JAK2: variants seen among roughly 807,000 people sequenced by gnomAD.
JAK2 encodes the protein tyrosine-protein kinase JAK2.
In JAK2, 86 loss-of-function variants were observed where a neutral mutation model predicts 139.3. That is an observed-to-expected ratio of 0.62 (90% CI 0.52 to 0.74). JAK2 has a LOEUF of 0.74. Among genes scored for constraint, JAK2 ranks in the 30% least tolerant of loss-of-function variants. JAK2 has a pLI of 0.00. For synonymous variants in JAK2, 490 were observed against 437.7 expected (o/e 1.12, Z -1.49); for missense variants, 1,421 against 1,360.3 (o/e 1.04, Z -0.70).
rs58424625 is a variant in JAK2 at position 5,062,500 on chromosome 9, T to TAAAAAAAAAAAAAAAAAAAA, written c.1057-2371_1057-2352dup. On this transcript the variant is annotated intron_variant, in intron 8 of 24. Coordinates refer to ENST00000381652, the MANE Select transcript of JAK2 (RefSeq NM_004972.4). ...AAGTTTGTCAGAAACCTTCCATTTGTAAAAAAAAAAAAAAAAAAAAAAAAA... is the reference window on the plus strand; with the variant it reads ...AAGTTTGTCAGAAACCTTCCATTTGTAAAAAAAAAAAAAAAAAAAAAAAAAAAAAAAAAAAAAAAAAAAAA... 3.8e-4 allele frequency among the ~76,000 whole-genome samples: 22 copies of TAAAAAAAAAAAAAAAAAAAA among 58,240 alleles called. 6 individuals carry two copies. The highest frequency in any genetic ancestry group is 2.2e-3 in the African/African-American group (21 of 9,592). The allele number at this position is 58,240 out of a possible 152,430, so 38.2% of individuals were successfully genotyped here.
chr9:5,050,048 C>G lies in JAK2; in HGVS notation c.469-638C>G, dbSNP rs576008131. 5.3e-5 allele frequency among the ~76,000 whole-genome samples: 8 copies of G among 152,272 alleles called. No individual in the cohort carries two copies. In the South Asian group the frequency reaches 1.7e-3, roughly 32 times the overall value. On this transcript the variant is annotated intron_variant, in intron 5 of 24. Coordinates refer to ENST00000381652, the MANE Select transcript of JAK2 (RefSeq NM_004972.4). ...GGCTATTTCTTTGTATCCAACACCA[C>G]TTGTAGTATGATACTTCCAACATAA... is the stretch of plus-strand genomic sequence containing the variant.
intron 4 of JAK2, chr9:5,041,595 G>C (rs1230886686): frequency 2.0e-6 from 1 of 497,290 alleles, no homozygotes; most frequent in African/African-American, 2.0e-5. Context: ...CCTGGACTTT[G>C]AGAAGCCCGA....
intron 5 of JAK2, 60 bp downstream of exon 5, chr9:5,044,580 A>G: frequency 9.3e-7 from 1 of 1,071,238 alleles, no homozygotes; most frequent in Non-Finnish European, 1.4e-6. Flanking sequence ...GCTGTTTAAT[A>G]AGTCACTTAA....
At chr9:4,992,418 G>A (rs1820308292) in intron 2 of JAK2, among the ~76,000 whole-genome samples, 1 of 152,194 alleles carries the variant, frequency 6.6e-6, no homozygotes, top group Non-Finnish European at 1.5e-5. Context: ...TTTGATGGGG[G>A]AGTGGCAAGT....
At chr9:5,117,377 A>T (rs1823276931) in intron 22 of JAK2, among the ~76,000 whole-genome samples, 1 of 152,216 alleles carries the variant, frequency 6.6e-6, no homozygotes, top group South Asian at 2.1e-4. Context: ...CATATTTTAG[A>T]AAGATAGCTC....
intron 22 of JAK2, chr9:5,113,891 A>T (rs1379600956): frequency 9.2e-6 from 2 of 217,154 alleles, no homozygotes; most frequent in African/African-American, 4.7e-5. Context: ...AAGATCTTAC[A>T]GTCCTCCTGT....
chr9:5,054,126 A>G lies in JAK2; in HGVS notation c.615-437A>G, dbSNP rs142929424. On this transcript the variant is annotated intron_variant, in intron 6 of 24. Coordinates refer to ENST00000381652, the MANE Select transcript of JAK2 (RefSeq NM_004972.4). The surrounding 1 kb of genome is among the most constrained non-coding windows in gnomAD (Gnocchi z 4.9). ...GTTTGCATAATGAAAATGGCTTCCA[A>G]CAAAATGTAACAATTTCCAAAATTC... Among the ~76,000 whole-genome samples the G allele has an allele frequency of 7.2e-5, 11 of 152,094 alleles. No homozygotes were observed. Among genetic ancestry groups the G allele is most frequent in the Non-Finnish European group, 1.5e-4 (10 of 67,920 alleles).
intron 2 of JAK2, among the ~76,000 whole-genome samples, chr9:4,987,342 A>G (rs1471530529): frequency 1.3e-5 from 2 of 152,134 alleles, no homozygotes. Context: ...TCACCTGGCT[A>G]TTACTGAAAG....
chr9:5,106,198 T>C (rs1821938420), intron 22 of JAK2, among the ~76,000 whole-genome samples: 1 of 151,910 alleles, frequency 6.6e-6, no homozygotes, highest in African/African-American at 2.4e-5. Context: ...TACAAAGAAA[T>C]TTACAAGAAA....
rs751533278 is a variant in JAK2 at position 5,065,129 on chromosome 9, A to T, written c.1214+89A>T. 8.9e-6 allele frequency: 7 copies of T among 787,930 alleles called. No homozygotes were observed. The South Asian group carries it at 2.4e-4, about 27-fold the overall frequency. The allele number at this position is 787,930 out of a possible 1,614,324, so 48.8% of individuals were successfully genotyped here. A position where few individuals can be genotyped will look rare whatever the true frequency, so the allele number is the denominator to read the frequency against. On this transcript the variant is annotated intron_variant, in intron 9 of 24. Coordinates refer to ENST00000381652, the MANE Select transcript of JAK2 (RefSeq NM_004972.4). ...TTAACAGAGTGATACATGTATGTTT[A>T]GAAAAAAATAATTTGACAAGTTTTT... is the stretch of plus-strand genomic sequence containing the variant.
At chr9:5,095,353 A>G (rs1382020951) in intron 22 of JAK2, among the ~76,000 whole-genome samples, 3 of 151,970 alleles carry the variant, frequency 2.0e-5, no homozygotes, top group Non-Finnish European at 4.4e-5. Flanking sequence ...TCTTACCCCC[A>G]TCTTGATTAA....
intron 6 of JAK2, among the ~76,000 whole-genome samples, chr9:5,052,650 C>G (rs1031831561): frequency 4.6e-5 from 7 of 152,032 alleles, no homozygotes; most frequent in Non-Finnish European, 8.8e-5. Flanking sequence ...AGTCCTCATC[C>G]CACTTTCCCC....
In JAK2 at chr9:5,129,544, T is replaced by C. The variant is rs1233000495; in HGVS notation, c.*2753T>C. Among the ~76,000 whole-genome samples, 1 of 152,140 alleles carries C rather than the reference T, an allele frequency of 6.6e-6. No homozygotes were observed. The highest frequency in any genetic ancestry group is 6.5e-5 in the Admixed American group (1 of 15,278). On this transcript the variant is annotated 3_prime_UTR_variant, in exon 25 of 25. Coordinates refer to ENST00000381652, the MANE Select transcript of JAK2 (RefSeq NM_004972.4). ...GGGGCATAATGTACTAAGAATCAGT[T>C]TGCTGTATATTAGAATAAATAGTAA...
At chr9:5,009,007 A>T (rs1435544305) in intron 2 of JAK2, among the ~76,000 whole-genome samples, 1 of 152,166 alleles carries the variant, frequency 6.6e-6, no homozygotes, top group Non-Finnish European at 1.5e-5. Context: ...CGTATTATTC[A>T]ACTCTTTCAC....
At chr9:5,010,849 G>T (rs145610898) in intron 2 of JAK2, among the ~76,000 whole-genome samples, 1,941 of 152,186 alleles carry the variant, frequency 0.013, 37 homozygotes, top group Non-Finnish European at 0.019. Context: ...CTTGAATTTT[G>T]AAAATTCTTA....
rs1220590246 is a variant in JAK2 at position 5,069,202 on chromosome 9, C to T, written c.1507C>T (p.Pro503Ser). ...FQFTKCCPPK[P>S]KDKSNLLVFR... ...GTTTACTAAATGCTGTCCCCCAAAG[C>T]CAAAAGGTAAGATAATTTTCTAGTT... Residue 503 changes from proline to serine, a missense_variant, in exon 11 of 25, where the codon CCA becomes TCA. Pro to Ser is a moderately conservative substitution (Grantham distance 74). Coordinates refer to ENST00000381652, the MANE Select transcript of JAK2 (RefSeq NM_004972.4). 1.3e-6 allele frequency: 2 copies of T among 1,595,480 alleles called. No homozygotes were observed. Among genetic ancestry groups the T allele is most frequent in the East Asian group, 4.5e-5 (2 of 44,550 alleles).
intron 2 of JAK2, among the ~76,000 whole-genome samples, chr9:4,999,805 A>G (rs183006369): frequency 1.1e-3 from 161 of 152,340 alleles, no homozygotes; most frequent in Non-Finnish European, 2.1e-3. Flanking sequence ...ACAATTTATC[A>G]GACCCCTTTA....
At chr9:5,014,863 C>G (rs1195247187) in intron 2 of JAK2, among the ~76,000 whole-genome samples, 2 of 151,826 alleles carry the variant, frequency 1.3e-5, no homozygotes, top group Non-Finnish European at 2.9e-5. Flanking sequence ...ATTCTCCTGT[C>G]TATCTTGCAG....
chr9:5,033,252 G>C (rs1317395071), intron 4 of JAK2, among the ~76,000 whole-genome samples: 4 of 152,180 alleles, frequency 2.6e-5, no homozygotes, highest in Non-Finnish European at 5.9e-5. Context: ...TATGTGAAAA[G>C]ACCAAATCTA....
Sources: gnomAD v4.1 joint callset for allele counts (sites outside exome capture counted in the v4.1 genomes callset) on GRCh38, gnomAD v4.1.1 for gene constraint, Gnocchi (gnomAD v3.1) non-coding constraint, MANE v1.5 for transcripts, NCBI Gene and HGNC (gene_info 2026-07-23, HGNC 2026-07-21) for gene names.